Variants in PRSS38 observed in about 807,000 individuals in gnomAD.
PRSS38 encodes the protein marapsin 2.
Under a neutral mutation model 26.8 loss-of-function variants are expected in PRSS38, and 22 were observed. The observed-to-expected ratio is 0.82, with a 90% CI of 0.59 to 1.17. The LOEUF (loss-of-function observed/expected upper bound fraction) is 1.17. Among genes scored for constraint, PRSS38 ranks in the 50% most tolerant of loss-of-function variants. The pLI is 0.00. For synonymous variants in PRSS38, 175 were observed against 172.1 expected (o/e 1.02, Z -0.13); for missense variants, 427 against 422.7 (o/e 1.01, Z -0.09).
chr1:227,816,338 T>TC lies in PRSS38; in HGVS notation c.311+91dup. On this transcript the variant is annotated intron_variant, in intron 2 of 4. Coordinates refer to ENST00000366757, the Ensembl canonical transcript of PRSS38. The surrounding 1 kb of genome is among the most constrained non-coding windows in gnomAD (Gnocchi z 5.1). ...GGCTTGGATGGACCCCACGCAAGCC[T>TC]CCCCCATCACCATTGTCGACTCCCT... The TC allele has an allele frequency of 1.4e-6, 2 of 1,391,688 alleles. No individual in the cohort carries two copies. The highest frequency in any genetic ancestry group is 2.0e-6 in the Non-Finnish European group (2 of 1,012,480). The allele number at this position is 1,391,688 out of a possible 1,614,324, so 86.2% of individuals were successfully genotyped here. A position where few individuals can be genotyped will look rare whatever the true frequency, so the allele number is the denominator to read the frequency against.
chr1:227,837,166 C>G (rs1404685015), intron 3 of PRSS38, among the ~76,000 whole-genome samples: 1 of 152,100 alleles, frequency 6.6e-6, no homozygotes, highest in African/African-American at 2.4e-5. Flanking sequence ...AGTTTTTACT[C>G]ATGAATAGTC....
At chr1:227,826,485 G>T (rs577480300) in intron 3 of PRSS38, among the ~76,000 whole-genome samples, 1 of 152,168 alleles carries the variant, frequency 6.6e-6, no homozygotes, top group Admixed American at 6.5e-5. Flanking sequence ...AGGTTGAGGC[G>T]GGTGGATCAC....
At chr1:227,844,271 C>T (rs1558238642) in intron 3 of PRSS38, among the ~76,000 whole-genome samples, 2 of 150,986 alleles carry the variant, frequency 1.3e-5, no homozygotes, top group South Asian at 2.1e-4. Context: ...CATCTGTGGT[C>T]GGGACTTCAT....
chr1:227,832,634 T>C (rs1430137518), intron 3 of PRSS38, among the ~76,000 whole-genome samples: 1 of 152,146 alleles, frequency 6.6e-6, no homozygotes, highest in Admixed American at 6.6e-5. Context: ...TGGTATTCCA[T>C]ATTATACCAG....
intron 3 of PRSS38, among the ~76,000 whole-genome samples, chr1:227,839,972 A>C (rs986895055): frequency 1.3e-5 from 2 of 152,148 alleles, no homozygotes; most frequent in Admixed American, 6.5e-5. Context: ...TTTGCTAGCT[A>C]GAAAGACTTG....
At chr1:227,840,392 G>T (rs564051290) in intron 3 of PRSS38, among the ~76,000 whole-genome samples, 1 of 152,274 alleles carries the variant, frequency 6.6e-6, no homozygotes, top group East Asian at 1.9e-4. Context: ...CAAAATGCTG[G>T]GGTTACAGGT....
chr1:227,834,374 A>G (rs188150183), intron 3 of PRSS38, among the ~76,000 whole-genome samples: 11 of 152,282 alleles, frequency 7.2e-5, no homozygotes, highest in African/African-American at 2.6e-4. Flanking sequence ...AAACATGAGC[A>G]TCAAAATAAA....
At chr1:227,822,559 T>C (rs183268294) in intron 3 of PRSS38, among the ~76,000 whole-genome samples, 5 of 152,318 alleles carry the variant, frequency 3.3e-5, no homozygotes, top group Admixed American at 2.6e-4. Flanking sequence ...AAAGCTATAG[T>C]AGTCTGTTTA....
intron 3 of PRSS38, among the ~76,000 whole-genome samples, chr1:227,844,542 G>A (rs547758279): frequency 7.0e-6 from 1 of 142,684 alleles, no homozygotes; most frequent in Non-Finnish European, 1.5e-5. Context: ...CTCCCTACAT[G>A]TGGTGGGGCT....
chr1:227,831,537 T>C (rs1048988106), intron 3 of PRSS38, among the ~76,000 whole-genome samples: 1 of 152,134 alleles, frequency 6.6e-6, no homozygotes, highest in African/African-American at 2.4e-5. Context: ...TGGCTGATAA[T>C]GTTTTTAAGT....
intron 3 of PRSS38, among the ~76,000 whole-genome samples, chr1:227,837,737 G>A (rs1665258757): frequency 6.6e-6 from 1 of 152,140 alleles, no homozygotes; most frequent in South Asian, 2.1e-4. Flanking sequence ...GCTAGTTGCT[G>A]CACCTCTTTG....
At chr1:227,842,739 C>T (rs548960284) in intron 3 of PRSS38, among the ~76,000 whole-genome samples, 7 of 152,180 alleles carry the variant, frequency 4.6e-5, no homozygotes, top group African/African-American at 1.4e-4. Context: ...TGCTACCACA[C>T]CTAATTTTGT....
chr1:227,828,371 C>T (rs529169768), intron 3 of PRSS38, among the ~76,000 whole-genome samples: 2 of 152,270 alleles, frequency 1.3e-5, no homozygotes, highest in Admixed American at 6.5e-5. Flanking sequence ...TCTGGGTGCT[C>T]CTGTATTGGG....
intron 3 of PRSS38, among the ~76,000 whole-genome samples, chr1:227,832,291 C>T (rs574147886): frequency 7.6e-4 from 116 of 152,170 alleles, no homozygotes; most frequent in African/African-American, 2.6e-3. Flanking sequence ...TCCATCTTCA[C>T]GTTTAATGTA....
intron 3 of PRSS38, among the ~76,000 whole-genome samples, chr1:227,828,999 A>C (rs1309154750): frequency 6.6e-6 from 1 of 152,070 alleles, no homozygotes; most frequent in South Asian, 2.1e-4. Flanking sequence ...CAATCACTTC[A>C]CCACTTCCCT....
At chr1:227,840,285 C>G (rs553577420) in intron 3 of PRSS38, among the ~76,000 whole-genome samples, 2 of 152,168 alleles carry the variant, frequency 1.3e-5, no homozygotes, top group African/African-American at 4.8e-5. Context: ...CCACACCCAG[C>G]TAATTTTTGT....
chr1:227,834,432 G>T (rs1390722657), intron 3 of PRSS38, among the ~76,000 whole-genome samples: 1 of 152,122 alleles, frequency 6.6e-6, no homozygotes, highest in Non-Finnish European at 1.5e-5. Flanking sequence ...AGTTTGGGAG[G>T]CCAAGGCGGG....
At chr1:227,835,809 G>A (rs1329956610) in intron 3 of PRSS38, among the ~76,000 whole-genome samples, 1 of 152,190 alleles carries the variant, frequency 6.6e-6, no homozygotes, top group Non-Finnish European at 1.5e-5. Flanking sequence ...GGTCTGGGGT[G>A]ACTTTTGGCT....
chr1:227,817,141 C>T, intron 2 of PRSS38, 68 bp from the exon 3 acceptor site: 1 of 1,536,346 alleles, frequency 6.5e-7, no homozygotes, highest in Non-Finnish European at 8.8e-7. Flanking sequence ...TGCGCTTGGC[C>T]TCCCCAGGCC....
Sources: gnomAD v4.1 joint callset for allele counts (sites outside exome capture counted in the v4.1 genomes callset) on GRCh38, gnomAD v4.1.1 for gene constraint, Gnocchi (gnomAD v3.1) non-coding constraint, MANE v1.5 for transcripts, NCBI Gene and HGNC (gene_info 2026-07-23, HGNC 2026-07-21) for gene names.